UBE3D: variants seen among roughly 807,000 people sequenced by gnomAD.
UBE3D encodes ubiquitin protein ligase E3D.
UBE3D carries 48 observed loss-of-function variants against 49.6 expected under a neutral mutation model. That is an observed-to-expected ratio of 0.97 (90% CI 0.77 to 1.23). The LOEUF is 1.23. Among genes scored for constraint, UBE3D ranks in the 50% most tolerant of loss-of-function variants. The pLI, the probability that UBE3D is intolerant of heterozygous loss-of-function variation, is 0.00. For missense variants in UBE3D, 452 were observed against 468.4 expected (o/e 0.96, Z 0.32); for synonymous variants, 189 against 174.2 (o/e 1.08, Z -0.67).
At chr6:82,908,636 A>G (rs2127723805) in intron 9 of UBE3D, among the ~76,000 whole-genome samples, 1 of 152,258 alleles carries the variant, frequency 6.6e-6, no homozygotes. Flanking sequence ...TTTCAATCCT[A>G]TGAGTTCCAC....
chr6:82,970,057 T>C (rs1011783057), intron 8 of UBE3D, among the ~76,000 whole-genome samples: 1 of 148,594 alleles, frequency 6.7e-6, no homozygotes, highest in Non-Finnish European at 1.5e-5. Context: ...AGTCATATAA[T>C]AGAACATGAT....
chr6:83,002,189 G>A (rs1395493473), intron 8 of UBE3D, among the ~76,000 whole-genome samples: 1 of 152,086 alleles, frequency 6.6e-6, no homozygotes, highest in East Asian at 1.9e-4. Context: ...TCTACCTTTT[G>A]TTCTATTTTC....
At chr6:83,037,027 G>A (rs1248723469) in intron 5 of UBE3D, 3 of 152,136 alleles carry the variant, frequency 2.0e-5, no homozygotes, top group Admixed American at 6.5e-5. Context: ...TGTGGGGGAG[G>A]TCTTCCAATC....
intron 8 of UBE3D, among the ~76,000 whole-genome samples, chr6:82,958,736 T>C (rs1388073083): frequency 6.6e-6 from 1 of 152,226 alleles, no homozygotes; most frequent in Non-Finnish European, 1.5e-5. Context: ...GCTCTTCAGC[T>C]GGATCTGGGA....
intron 9 of UBE3D, among the ~76,000 whole-genome samples, chr6:82,900,411 T>C (rs1771646516): frequency 6.6e-6 from 1 of 152,158 alleles, no homozygotes; most frequent in Non-Finnish European, 1.5e-5. Flanking sequence ...CTGGAAATCC[T>C]AGGAGGGGCC....
intron 9 of UBE3D, among the ~76,000 whole-genome samples, chr6:82,915,311 T>C (rs976462845): frequency 1.3e-5 from 2 of 151,860 alleles, no homozygotes; most frequent in African/African-American, 4.8e-5. Flanking sequence ...ACAGAAAAAA[T>C]AGTTATAACA....
intron 9 of UBE3D, among the ~76,000 whole-genome samples, chr6:82,901,453 C>T (rs1771730143): frequency 6.6e-6 from 1 of 152,128 alleles, no homozygotes; most frequent in African/African-American, 2.4e-5. Flanking sequence ...ATTACTGTGC[C>T]CACTCCAGAC....
At chr6:82,921,691 T>G (rs1286922425) in intron 9 of UBE3D, among the ~76,000 whole-genome samples, 1 of 152,132 alleles carries the variant, frequency 6.6e-6, no homozygotes, top group Non-Finnish European at 1.5e-5. Context: ...TGTTTGGGGT[T>G]GGAATTTTCA....
intron 5 of UBE3D, among the ~76,000 whole-genome samples, chr6:83,028,811 C>A (rs1001354238): frequency 6.6e-6 from 1 of 152,098 alleles, no homozygotes; most frequent in African/African-American, 2.4e-5. Context: ...CGATAGGAAT[C>A]CATTATTTCC....
At chr6:82,990,292 T>G (rs1222924801) in intron 8 of UBE3D, among the ~76,000 whole-genome samples, 1 of 152,166 alleles carries the variant, frequency 6.6e-6, no homozygotes, top group Non-Finnish European at 1.5e-5. Flanking sequence ...TTTTTTATTT[T>G]TTTGAGACAG....
intron 5 of UBE3D, among the ~76,000 whole-genome samples, chr6:83,030,064 C>T (rs1484250852): frequency 2.0e-5 from 3 of 152,132 alleles, no homozygotes; most frequent in Non-Finnish European, 4.4e-5. Context: ...ATAGATACTC[C>T]CTGCCATTTT....
At chr6:82,915,355 C>T (rs923452388) in intron 9 of UBE3D, among the ~76,000 whole-genome samples, 17 of 152,244 alleles carry the variant, frequency 1.1e-4, no homozygotes, top group African/African-American at 3.1e-4. Flanking sequence ...GGCAAGCAAT[C>T]GCTCTTACAG....
intron 9 of UBE3D, among the ~76,000 whole-genome samples, chr6:82,953,017 C>G (rs1043814265): frequency 6.6e-6 from 1 of 152,214 alleles, no homozygotes; most frequent in African/African-American, 2.4e-5. Flanking sequence ...GACATCTTAC[C>G]TATATTTAAA....
At chr6:83,054,655 ATTT>A (rs558524870) in intron 2 of UBE3D, among the ~76,000 whole-genome samples, 1 of 145,730 alleles carries the variant, frequency 6.9e-6, no homozygotes, top group Non-Finnish European at 1.5e-5. Context: ...TTTGAGTTTA[ATTT>A]TTTTTTTTTT....
At chr6:83,059,244 C>T (rs1223000443) in intron 1 of UBE3D, among the ~76,000 whole-genome samples, 1 of 152,036 alleles carries the variant, frequency 6.6e-6, no homozygotes, top group African/African-American at 2.4e-5. Context: ...AAAAAATCAG[C>T]TGGGTATAGT....
At chr6:82,886,423 G>C in the UBE3D span, among the ~76,000 whole-genome samples, 1 of 152,176 alleles carries the variant, frequency 6.6e-6, no homozygotes, top group African/African-American at 2.4e-5. Flanking sequence ...AGCTCAGGCA[G>C]TAATGCTTCC....
At chr6:82,889,414 T>C (rs545441232), downstream of UBE3D, among the ~76,000 whole-genome samples, 1 of 152,218 alleles carries the variant, frequency 6.6e-6, no homozygotes, top group Admixed American at 6.5e-5. Context: ...TCGGATTCTT[T>C]TTTCTGGTAT....
chr6:82,979,718 G>A (rs1777978082), intron 8 of UBE3D, among the ~76,000 whole-genome samples: 2 of 152,030 alleles, frequency 1.3e-5, no homozygotes, highest in African/African-American at 4.8e-5. Context: ...AATGTACACT[G>A]TACAAATCAA....
At chr6:82,890,970 C>A (rs1246429508), downstream of UBE3D, among the ~76,000 whole-genome samples, 1 of 152,078 alleles carries the variant, frequency 6.6e-6, no homozygotes, top group Non-Finnish European at 1.5e-5. Flanking sequence ...CTAATTTATT[C>A]CAATTTCCAA....
Sources: gnomAD v4.1 joint callset for allele counts (sites outside exome capture counted in the v4.1 genomes callset) on GRCh38, gnomAD v4.1.1 for gene constraint, MANE v1.5 for transcripts, NCBI Gene and HGNC (gene_info 2026-07-23, HGNC 2026-07-21) for gene names.